Variants in SLC35D2 observed in about 807,000 individuals in gnomAD.
SLC35D2 encodes solute carrier family 35 member D2.
A neutral mutation model predicts 41.8 loss-of-function variants in SLC35D2; 43 were observed. The ratio of observed to expected loss-of-function variants is 1.03; its 90% CI spans 0.81 to 1.33. The LOEUF is 1.33. Ranked by LOEUF, SLC35D2 falls within the 40% of genes most tolerant of loss-of-function variation. The probability of loss-of-function intolerance (pLI) is 0.00; values close to 1 mark genes in which losing one functional copy is unlikely to be tolerated. For missense variants in SLC35D2, 380 were observed against 408.4 expected, an observed-to-expected ratio of 0.93 and a Z score of 0.60; for synonymous variants, 150 against 163.9, an observed-to-expected ratio of 0.92 and a Z score of 0.65.
intron 2 of SLC35D2, among the ~76,000 whole-genome samples, chr9:96,365,829 C>T (rs1830451384): frequency 1.3e-5 from 2 of 152,128 alleles, no homozygotes; most frequent in South Asian, 4.1e-4. Flanking sequence ...AGTTTTAGAA[C>T]TTACTCAATT....
At chr9:96,333,789 A>C (rs1407400897) in intron 9 of SLC35D2, among the ~76,000 whole-genome samples, 1 of 152,144 alleles carries the variant, frequency 6.6e-6, no homozygotes, top group Non-Finnish European at 1.5e-5. Context: ...TTAAAAACAA[A>C]AAACAAACCA....
At chr9:96,324,240 G>T in intron 9 of SLC35D2, 71 bp from the exon 10 acceptor site, 1 of 1,250,110 alleles carries the variant, frequency 8.0e-7, no homozygotes, top group Non-Finnish European at 1.2e-6. Context: ...GTTAAGGCCA[G>T]CAGTGACCCC....
At chr9:96,333,348 G>A (rs933697717) in intron 9 of SLC35D2, among the ~76,000 whole-genome samples, 3 of 151,880 alleles carry the variant, frequency 2.0e-5, no homozygotes, top group Admixed American at 6.5e-5. Flanking sequence ...TGTAATCCCA[G>A]CTCTTTGGGA....
chr9:96,361,634 G>A (rs1278163201), intron 3 of SLC35D2, among the ~76,000 whole-genome samples: 1 of 151,884 alleles, frequency 6.6e-6, no homozygotes, highest in Non-Finnish European at 1.5e-5. Flanking sequence ...GCAGTGAGCT[G>A]TGGATGTACC....
Position 96,383,538 on chromosome 9 carries a change from A to T in SLC35D2, c.97T>A (p.Phe33Ile). Residue 33 changes from phenylalanine to isoleucine, a missense_variant, in exon 1 of 12, where the codon TTC becomes ATC. Phe to Ile is a conservative substitution (Grantham distance 21). Transcript: ENST00000253270. The stretch of plus-strand genomic sequence containing the variant: ...ATGAGGAAGGAGCAGGTCCCGTAGA[A>T]GAGCGCCGACAGCAGCCGGGCCACC... Reference protein sequence around the residue: ...SRVARLLSALFYGTCSFLIVL... With the variant: ...SRVARLLSALIYGTCSFLIVL... The T allele has an allele frequency of 1.3e-6, 2 of 1,514,336 alleles. No individual in the cohort carries two copies. The highest frequency in any genetic ancestry group is 8.8e-7 in the Non-Finnish European group (1 of 1,130,888). 93.8% of individuals were successfully genotyped at this position (1,514,336 alleles called of 1,614,324 possible). A position where few individuals can be genotyped will look rare whatever the true frequency, so the allele number is the denominator to read the frequency against.
chr9:96,382,496 C>CTATATATA (rs142809659), intron 1 of SLC35D2, among the ~76,000 whole-genome samples: 6 of 127,934 alleles, frequency 4.7e-5, no homozygotes, highest in South Asian at 2.7e-4. Context: ...CACACACACA[C>CTATATATA]TATATATATA....
At position 96,378,766 on chromosome 9, in the gene SLC35D2, A is replaced by T. The variant is rs115573471; in HGVS notation, c.158+4711T>A. Reference sequence around the variant, plus strand: ...CAAAAATTAAAAATTAAAAAAAAAAATTTAATTCAAAAATGACCCAGGAGT... The same window carrying T: ...CAAAAATTAAAAATTAAAAAAAAAATTTTAATTCAAAAATGACCCAGGAGT... On this transcript the variant is annotated intron_variant, in intron 1 of 11. Transcript: ENST00000253270. Among the ~76,000 whole-genome samples the T allele has an allele frequency of 2.6e-3, 401 of 151,938 alleles. 1 individual carries two copies. Among genetic ancestry groups the T allele is most frequent in the African/African-American group, 9.1e-3 (376 of 41,434 alleles).
chr9:96,346,747 C>T (rs776273979), intron 6 of SLC35D2, among the ~76,000 whole-genome samples: 16 of 151,632 alleles, frequency 1.1e-4, no homozygotes, highest in Non-Finnish European at 1.5e-4. Flanking sequence ...GACGCCTCCA[C>T]ACATTATTAT....
chr9:96,358,078 T>TATATATATATATATATATA lies in SLC35D2; in HGVS notation c.347+2075_347+2076insTATATATATATATATATAT, dbSNP rs1491320526. ...AAATGGATAAACAAAATATTATATA[T>TATATATATATATATATATA]TTTATATATATATATATATATATAT... On this transcript the variant is annotated intron_variant, in intron 4 of 11. Transcript: ENST00000253270. Among the ~76,000 whole-genome samples, 31 of 79,220 alleles carry TATATATATATATATATATA rather than the reference T, an allele frequency of 3.9e-4. 1 individual carries two copies. The highest frequency in any genetic ancestry group is 1.8e-3 in the African/African-American group (27 of 14,934). 52.0% of individuals were successfully genotyped at this position (79,220 alleles called of 152,430 possible).
chr9:96,339,880 G>A (rs938730025), intron 8 of SLC35D2, among the ~76,000 whole-genome samples: 8 of 152,152 alleles, frequency 5.3e-5, no homozygotes, highest in Admixed American at 5.2e-4. Flanking sequence ...TGAATTCCCG[G>A]AGGAATGAGT....
chr9:96,371,969 G>A (rs1354662988), intron 1 of SLC35D2, among the ~76,000 whole-genome samples: 3 of 151,772 alleles, frequency 2.0e-5, no homozygotes, highest in East Asian at 1.9e-4. Flanking sequence ...CTCGTGATCC[G>A]CCCGCCTCGG....
intron 9 of SLC35D2, among the ~76,000 whole-genome samples, chr9:96,327,063 C>T (rs889402428): frequency 2.0e-5 from 3 of 152,196 alleles, no homozygotes; most frequent in African/African-American, 7.2e-5. Context: ...AGCGGGAGCA[C>T]AGCACAGGGC....
intron 5 of SLC35D2, among the ~76,000 whole-genome samples, chr9:96,351,697 A>G (rs928329684): frequency 6.6e-6 from 1 of 152,142 alleles, no homozygotes; most frequent in African/African-American, 2.4e-5. Flanking sequence ...CTGCACAACT[A>G]TCCTGTATGT....
intron 8 of SLC35D2, among the ~76,000 whole-genome samples, chr9:96,341,947 AAT>A (rs33922006): frequency 6.6e-6 from 1 of 150,936 alleles, no homozygotes. Context: ...GGAAAAAAAA[AAT>A]ATATATATAT....
intron 1 of SLC35D2, among the ~76,000 whole-genome samples, chr9:96,372,565 AAAT>A (rs1458715580): frequency 6.7e-6 from 1 of 150,002 alleles, no homozygotes; most frequent in African/African-American, 2.5e-5. Flanking sequence ...CTAAATAATT[AAAT>A]AATTACTTTT....
At chr9:96,382,496 CT>C (rs370774823) in intron 1 of SLC35D2, among the ~76,000 whole-genome samples, 1,467 of 127,580 alleles carry the variant, frequency 0.011, 10 homozygotes, top group Non-Finnish European at 0.019. Context: ...CACACACACA[CT>C]ATATATATAT....
chr9:96,322,336 T>A (rs1413521702), intron 10 of SLC35D2, among the ~76,000 whole-genome samples: 1 of 151,880 alleles, frequency 6.6e-6, no homozygotes, highest in Admixed American at 6.6e-5. Context: ...CTGGGCAACA[T>A]AGTGAGATCC....
chr9:96,321,341 G>A lies in SLC35D2; in HGVS notation c.915C>T (p.Cys305=), dbSNP rs1828215471. ...AGGAATATCTCAAGCCCCCTGCCAT[G>A]CTGAAAGGAGAAAAAAAAGTGAAAA... is the stretch of plus-strand genomic sequence containing the variant. ...SLLNFVGLNI[C]MAGGLRYSFL... Residue 305 remains cysteine, a splice_region_variant and synonymous_variant, in exon 12 of 12, where the codon TGC becomes TGT. Coordinates refer to ENST00000253270, the MANE Select transcript of SLC35D2 (RefSeq NM_007001.3). 1.2e-6 allele frequency: 2 copies of A among 1,609,046 alleles called. No individual in the cohort carries two copies. The highest frequency in any genetic ancestry group is 8.5e-7 in the Non-Finnish European group (1 of 1,176,884).
chr9:96,371,495 AAAAAAAAAAAAT>A, intron 1 of SLC35D2, among the ~76,000 whole-genome samples: 1 of 132,984 alleles, frequency 7.5e-6, no homozygotes, highest in African/African-American at 2.9e-5. Context: ...AAAAAAAAAA[AAAAAAAAAAAAT>A]TTAAACACTG....
Sources: allele counts gnomAD v4.1 joint callset (sites outside exome capture counted in the v4.1 genomes callset), GRCh38; gene constraint gnomAD v4.1.1; transcripts MANE v1.5; gene names NCBI Gene and HGNC (gene_info 2026-07-23, HGNC 2026-07-21).